GRIP2: variants seen among roughly 807,000 people sequenced by gnomAD.
GRIP2 encodes glutamate receptor-interacting protein 2.
A neutral mutation model predicts 108.3 loss-of-function variants in GRIP2; 58 were observed. The ratio of observed to expected loss-of-function variants is 0.54; its 90% confidence interval spans 0.43 to 0.67. The LOEUF (loss-of-function observed/expected upper bound fraction) is 0.67, where lower values mean the gene tolerates loss of function less well. GRIP2 is among the 30% of genes least tolerant of loss of function. The pLI is 0.00. For synonymous variants in GRIP2, 586 were observed against 598.2 expected, an observed-to-expected ratio of 0.98 and a Z score of 0.30; for missense variants, 1,278 against 1,430.6, an observed-to-expected ratio of 0.89 and a Z score of 1.72.
At chr3:14,502,501 AAAAG>A (rs1363169924) in intron 21 of GRIP2, among the ~76,000 whole-genome samples, 1 of 152,054 alleles carries the variant, frequency 6.6e-6, no homozygotes, top group Non-Finnish European at 1.5e-5. Context: ...CTCAAAAAAA[AAAAG>A]AGAGAGAGAG....
chr3:14,588,562 T>TA, the GRIP2 span, among the ~76,000 whole-genome samples: 1 of 151,928 alleles, frequency 6.6e-6, no homozygotes, highest in African/African-American at 2.4e-5. Context: ...CACTGTAAAA[T>TA]ACAGCTGCAC....
the GRIP2 span, among the ~76,000 whole-genome samples, chr3:14,583,875 G>C: frequency 6.6e-6 from 1 of 152,124 alleles, no homozygotes. Context: ...TCTTGGGAGG[G>C]GCCACACCAG....
Position 14,505,607 on chromosome 3 carries a change from CCA to C in GRIP2, c.2573+6_2573+7del, listed in dbSNP as rs752596660. 5 of 1,607,892 alleles carry C rather than the reference CCA, an allele frequency of 3.1e-6. No individual in the cohort carries two copies. Among genetic ancestry groups the C allele is most frequent in the Non-Finnish European group, 4.2e-6 (5 of 1,177,228 alleles). On this transcript the variant is annotated splice_donor_region_variant and intron_variant, in intron 20 of 23. Coordinates refer to ENST00000621039, the MANE Select transcript of GRIP2 (RefSeq NM_001080423.4). The surrounding 1 kb of genome is among the most constrained non-coding windows in gnomAD (Gnocchi z 4.2). ...TCCCTCCTCCTTCACGGTGCTCCCA[CCA>C]CAGACCTCGTTGGCGGCTCCCAATC...
Position 14,505,717 on chromosome 3 carries a change from C to A in GRIP2, c.2471G>T (p.Ser824Ile). 1 of 1,590,222 alleles carries A rather than the reference C, an allele frequency of 6.3e-7. No homozygotes were observed. The highest frequency in any genetic ancestry group is 1.8e-5 in the Admixed American group (1 of 56,362). The stretch of plus-strand genomic sequence containing the variant: ...CCTCCGGGGCTCGGTGGGTGGGGGG[C>A]TGCCCCTCAGCCAGCCAGGCCTCCG... ...QERRPGWLRG[S>I]PPPTEPRRTS... The change falls in exon 20 of 24, where the codon AGC becomes ATC. Residue 824 changes from serine to isoleucine, a missense_variant. By Grantham distance (142) the Ser-to-Ile change is moderately radical. Coordinates refer to ENST00000621039, the MANE Select transcript of GRIP2 (RefSeq NM_001080423.4). This position sits in a 1 kb window ranked among gnomAD's most constrained non-coding sequence, Gnocchi z 4.2.
chr3:14,597,329 A>G, the GRIP2 span, among the ~76,000 whole-genome samples: 57 of 151,934 alleles, frequency 3.8e-4, no homozygotes, highest in Middle Eastern at 3.4e-3. Context: ...TCCAGTGGGG[A>G]AAAAAAATCC....
chr3:14,571,312 A>T, the GRIP2 span, among the ~76,000 whole-genome samples: 1 of 151,906 alleles, frequency 6.6e-6, no homozygotes, highest in Non-Finnish European at 1.5e-5. Flanking sequence ...CCCTGGTGTC[A>T]CCCATTAGTC....
intron 10 of GRIP2, 57 bp downstream of exon 10, chr3:14,517,715 C>T (rs1694293323): frequency 6.3e-7 from 1 of 1,594,472 alleles, no homozygotes; most frequent in Non-Finnish European, 8.5e-7. Context: ...CAGGCATCGC[C>T]CCCTCCCTAG....
At chr3:14,559,072 C>CG (rs1695280330), upstream of GRIP2, among the ~76,000 whole-genome samples, 1 of 152,126 alleles carries the variant, frequency 6.6e-6, no homozygotes, top group Admixed American at 6.5e-5. Flanking sequence ...CCAGCCTGCC[C>CG]GGGTTCAAAT....
In GRIP2 at chr3:14,511,620, T is replaced by A; in HGVS notation, c.1721-141A>T. The A allele has an allele frequency of 1.3e-6, 1 of 773,194 alleles. No homozygotes were observed. Among genetic ancestry groups the A allele is most frequent in the Non-Finnish European group, 2.1e-6 (1 of 467,216 alleles). The allele number at this position is 773,194 out of a possible 1,614,324, so 47.9% of individuals were successfully genotyped here. A position where few individuals can be genotyped will look rare whatever the true frequency, so the allele number is the denominator to read the frequency against. ...CCACTGCTTCCTGGCTGGGTGACCG[T>A]GAGCAAATCAGCTCACCTCCCTGTG... On this transcript the variant is annotated intron_variant, in intron 14 of 23. Coordinates refer to ENST00000621039, the MANE Select transcript of GRIP2 (RefSeq NM_001080423.4). This position sits in a 1 kb window ranked among gnomAD's most constrained non-coding sequence, Gnocchi z 4.1.
the GRIP2 span, among the ~76,000 whole-genome samples, chr3:14,597,912 G>A: frequency 8.2e-3 from 1,243 of 152,168 alleles, 12 homozygotes; most frequent in Middle Eastern, 0.027. Flanking sequence ...AATCAGCTCC[G>A]GTGTTGACAC....
At chr3:14,526,405 A>C (rs1319871372) in intron 1 of GRIP2, among the ~76,000 whole-genome samples, 1 of 152,178 alleles carries the variant, frequency 6.6e-6, no homozygotes, top group Non-Finnish European at 1.5e-5. Context: ...AAACGCAGGC[A>C]CAGCAGCTCA....
chr3:14,514,078 G>A (rs895084974), intron 12 of GRIP2, among the ~76,000 whole-genome samples: 4 of 152,250 alleles, frequency 2.6e-5, no homozygotes, highest in Non-Finnish European at 4.4e-5. Context: ...GGCAGACAGG[G>A]GTTCAAGCCC....
At chr3:14,573,081 C>A in the GRIP2 span, 1 of 1,395,526 alleles carries the variant, frequency 7.2e-7, no homozygotes, top group Non-Finnish European at 1.0e-6. Context: ...GAGAAAGAGG[C>A]CACTGATGAA....
At chr3:14,558,662 G>A (rs1695271388), upstream of GRIP2, among the ~76,000 whole-genome samples, 1 of 152,168 alleles carries the variant, frequency 6.6e-6, no homozygotes, top group East Asian at 1.9e-4. Context: ...CCTTACAGGT[G>A]AGGACACTCT....
chr3:14,526,031 T>A, intron 1 of GRIP2, 100 bp from the exon 2 acceptor site: 1 of 1,005,188 alleles, frequency 9.9e-7, no homozygotes, highest in Non-Finnish European at 1.5e-6. Flanking sequence ...ACGTGGCCTG[T>A]AAGATGGGTT....
the GRIP2 span, among the ~76,000 whole-genome samples, chr3:14,567,301 C>T: frequency 5.9e-5 from 9 of 152,134 alleles, no homozygotes; most frequent in African/African-American, 1.9e-4. Context: ...GCCCCTAAGA[C>T]GAATCTTGGC....
At chr3:14,571,335 C>T in the GRIP2 span, among the ~76,000 whole-genome samples, 6 of 152,150 alleles carry the variant, frequency 3.9e-5, no homozygotes, top group African/African-American at 4.8e-5. Flanking sequence ...AAGTAGCGCC[C>T]GTCAGATCTC....
chr3:14,559,996 T>C (rs1478415794), upstream of GRIP2, among the ~76,000 whole-genome samples: 1 of 152,174 alleles, frequency 6.6e-6, no homozygotes, highest in African/African-American at 2.4e-5. Context: ...CTCAGACCCG[T>C]AATTCCAGCC....
intron 20 of GRIP2, among the ~76,000 whole-genome samples, chr3:14,504,811 T>G (rs1693872837): frequency 2.6e-5 from 4 of 152,196 alleles, no homozygotes. Context: ...GAATAAAGTG[T>G]GGCCCCTGTT....
Sources: allele counts gnomAD v4.1 joint callset (sites outside exome capture counted in the v4.1 genomes callset), GRCh38; gene constraint gnomAD v4.1.1; non-coding constraint Gnocchi (gnomAD v3.1); transcripts MANE v1.5; gene names NCBI Gene and HGNC (gene_info 2026-07-23, HGNC 2026-07-21).